The following SLC25A21 variants were observed in gnomAD, a reference collection of about 807,000 sequenced individuals.
SLC25A21 encodes solute carrier family 25 member 21.
Under a neutral mutation model 43.8 loss-of-function variants are expected in SLC25A21, and 47 were observed. That is an observed-to-expected ratio of 1.07 (90% CI 0.85 to 1.37). The LOEUF is 1.37. SLC25A21 is among the 40% of genes most tolerant of loss of function. The pLI is 0.00. For synonymous variants in SLC25A21, 131 were observed against 121.3 expected (o/e 1.08, Z -0.52); for missense variants, 352 against 350.2 (o/e 1.00, Z -0.04).
At chr14:37,137,535 G>A (rs999247973) in intron 1 of SLC25A21, among the ~76,000 whole-genome samples, 1 of 152,150 alleles carries the variant, frequency 6.6e-6, no homozygotes, top group African/African-American at 2.4e-5. Context: ...AGATGTATAA[G>A]ATTGTATTAA....
intron 1 of SLC25A21, among the ~76,000 whole-genome samples, chr14:37,037,130 T>C (rs896086776): frequency 2.6e-5 from 4 of 152,204 alleles, no homozygotes; most frequent in African/African-American, 7.2e-5. Flanking sequence ...GGGACCCTGA[T>C]TGTGAGTCAG....
At chr14:36,790,019 T>TTTTTATC (rs60245086) in intron 3 of SLC25A21, among the ~76,000 whole-genome samples, 5,092 of 142,590 alleles carry the variant, frequency 0.036, 335 homozygotes, top group African/African-American at 0.13. Flanking sequence ...GTACTTCAGC[T>TTTTTATC]AAATAGTTGA....
At chr14:37,132,112 C>A (rs960307053) in intron 1 of SLC25A21, among the ~76,000 whole-genome samples, 2 of 152,218 alleles carry the variant, frequency 1.3e-5, no homozygotes, top group Admixed American at 1.3e-4. Context: ...GTCAAGAGAG[C>A]ATACGTGTGA....
chr14:36,763,027 A>C (rs1886223744), intron 3 of SLC25A21, among the ~76,000 whole-genome samples: 1 of 152,228 alleles, frequency 6.6e-6, no homozygotes, highest in Non-Finnish European at 1.5e-5. Context: ...TCATGTCATA[A>C]TTATCTTCCT....
chr14:36,734,587 A>T lies in SLC25A21; in HGVS notation c.204-14T>A, dbSNP rs762273297. ...AAACCAAATAACCTGTTGGAGAAAT[A>T]AAAGATTTCCTATGAGTAAGGAAAT... On this transcript the variant is annotated splice_polypyrimidine_tract_variant and intron_variant, in intron 3 of 9. Coordinates refer to ENST00000331299, the MANE Select transcript of SLC25A21 (RefSeq NM_030631.4). The T allele has an allele frequency of 6.3e-7, 1 of 1,590,230 alleles. No individual in the cohort carries two copies. Among genetic ancestry groups the T allele is most frequent in the African/African-American group, 1.3e-5 (1 of 74,510 alleles).
At chr14:36,788,908 C>T (rs1186582635) in intron 3 of SLC25A21, 1 of 152,034 alleles carries the variant, frequency 6.6e-6, no homozygotes, top group Non-Finnish European at 1.5e-5. Flanking sequence ...TTATGGCTTA[C>T]GAGACTTGTC....
At chr14:36,884,073 T>C (rs935063450) in intron 1 of SLC25A21, among the ~76,000 whole-genome samples, 3 of 152,190 alleles carry the variant, frequency 2.0e-5, no homozygotes, top group African/African-American at 7.2e-5. Context: ...CAATAGGTCA[T>C]GGAAACTTAT....
intron 1 of SLC25A21, among the ~76,000 whole-genome samples, chr14:36,988,848 G>T (rs2138709661): frequency 6.6e-6 from 1 of 152,248 alleles, no homozygotes; most frequent in Middle Eastern, 3.4e-3. Context: ...CTTGATTTAT[G>T]GATTAGCAAC....
chr14:36,848,394 T>C (rs1889615770), intron 2 of SLC25A21, among the ~76,000 whole-genome samples: 2 of 152,212 alleles, frequency 1.3e-5, no homozygotes, highest in South Asian at 2.1e-4. Flanking sequence ...TTCAACCAAA[T>C]GGATCCCAAA....
intron 7 of SLC25A21, among the ~76,000 whole-genome samples, chr14:36,710,482 G>C (rs1329764523): frequency 6.6e-6 from 1 of 152,172 alleles, no homozygotes; most frequent in Non-Finnish European, 1.5e-5. Flanking sequence ...CCAGGCTGGA[G>C]TGCAGTGGCG....
chr14:36,712,426 G>A (rs556005882), intron 6 of SLC25A21, among the ~76,000 whole-genome samples: 6 of 151,830 alleles, frequency 4.0e-5, no homozygotes, highest in Non-Finnish European at 7.4e-5. Context: ...GGTTGTTAGC[G>A]TGGTTGTGGC....
intron 1 of SLC25A21, among the ~76,000 whole-genome samples, chr14:37,148,418 C>A (rs2138930529): frequency 6.6e-6 from 1 of 152,190 alleles, no homozygotes; most frequent in South Asian, 2.1e-4. Flanking sequence ...TTTAGATACA[C>A]CATAGGTCAA....
chr14:36,966,714 T>G (rs1042541148), intron 1 of SLC25A21, among the ~76,000 whole-genome samples: 2 of 152,216 alleles, frequency 1.3e-5, no homozygotes, highest in African/African-American at 4.8e-5. Context: ...TAAAGAAAAG[T>G]TAGCAAATTG....
At chr14:37,089,013 G>A (rs1018737984) in intron 1 of SLC25A21, among the ~76,000 whole-genome samples, 8 of 152,078 alleles carry the variant, frequency 5.3e-5, no homozygotes, top group African/African-American at 1.9e-4. Flanking sequence ...TGTATACAGA[G>A]TCTCTGACTT....
At chr14:36,899,721 C>T (rs758682116) in intron 1 of SLC25A21, among the ~76,000 whole-genome samples, 3 of 152,140 alleles carry the variant, frequency 2.0e-5, no homozygotes, top group Non-Finnish European at 4.4e-5. Context: ...ATCTAAAATG[C>T]CATTGTCTAC....
chr14:36,810,339 C>A (rs917489266), intron 3 of SLC25A21, among the ~76,000 whole-genome samples: 1 of 152,148 alleles, frequency 6.6e-6, no homozygotes, highest in Non-Finnish European at 1.5e-5. Flanking sequence ...AATTGAAGAT[C>A]TTGGCTAAGG....
intron 1 of SLC25A21, among the ~76,000 whole-genome samples, chr14:37,100,139 A>T (rs1190111670): frequency 6.6e-6 from 1 of 151,948 alleles, no homozygotes; most frequent in African/African-American, 2.4e-5. Flanking sequence ...GCTCACTGCA[A>T]CCTTCGCCTC....
At chr14:37,113,446 C>T (rs912058743) in intron 1 of SLC25A21, among the ~76,000 whole-genome samples, 1 of 152,086 alleles carries the variant, frequency 6.6e-6, no homozygotes, top group Non-Finnish European at 1.5e-5. Context: ...GGATACACAT[C>T]GTGGGAGTAG....
chr14:37,007,297 T>C (rs774253738), intron 1 of SLC25A21, among the ~76,000 whole-genome samples: 6 of 152,168 alleles, frequency 3.9e-5, no homozygotes, highest in African/African-American at 1.4e-4. Flanking sequence ...GGAACTTATA[T>C]TGGCATTAAA....
Sources: allele counts gnomAD v4.1 joint callset (sites outside exome capture counted in the v4.1 genomes callset), GRCh38; gene constraint gnomAD v4.1.1; transcripts MANE v1.5; gene names NCBI Gene and HGNC (gene_info 2026-07-23, HGNC 2026-07-21).